SPESP1: variants seen among roughly 807,000 people sequenced by gnomAD.
SPESP1 encodes the protein equatorial segment protein.
A neutral mutation model predicts 3.1 loss-of-function variants in SPESP1; 1 was observed. The ratio of observed to expected loss-of-function variants is 0.33; its 90% CI spans 0.12 to 1.54. The LOEUF (loss-of-function observed/expected upper bound fraction) is 1.54. Among genes scored for constraint, SPESP1 ranks in the 40% most tolerant of loss-of-function variants. The pLI is 0.38. For synonymous variants in SPESP1, 138 were observed against 150.7 expected (o/e 0.92, Z 0.62); for missense variants, 398 against 410.1 (o/e 0.97, Z 0.26).
chr15:68,937,616 A>AC (rs1895716345), intron 1 of SPESP1, among the ~76,000 whole-genome samples: 1 of 151,408 alleles, frequency 6.6e-6, no homozygotes, highest in South Asian at 2.1e-4. Context: ...CCCTCCCCTC[A>AC]CCCCCCACCC....
rs1056914904 is a variant in SPESP1, at chr15:68,945,842, C to T, written c.308C>T (p.Thr103Ile). The change falls in exon 2 of 2, where the codon ACA becomes ATA. Residue 103 changes from threonine (T) to isoleucine (I), a missense_variant. Coordinates refer to ENST00000310673, the MANE Select transcript of SPESP1 (RefSeq NM_145658.4). ...AGTGAAGAAACTACAACTTTCCCTA[C>T]AGGAGGCTTCACACCGGAAATAGGA... ...PISEETTTFP[T>I]GGFTPEIGKK... 31 of 1,614,170 alleles carry T rather than the reference C, an allele frequency of 1.9e-5. No homozygotes were observed. The highest frequency in any genetic ancestry group is 2.5e-5 in the Non-Finnish European group (30 of 1,180,030).
In SPESP1 at chr15:68,946,119, A is replaced by T; in HGVS notation, c.585A>T (p.Glu195Asp). Residue 195 changes from glutamate to aspartate, a missense_variant, in exon 2 of 2, where the codon GAA becomes GAT. Physicochemically the swap from Glu to Asp is conservative, Grantham distance 45. Transcript: ENST00000310673. ...DKSTGIGISTESEDVPQLSGE... is the reference protein window; with the variant it reads ...DKSTGIGISTDSEDVPQLSGE... ...GCACTGGCATTGGGATCTCTACAGA[A>T]TCAGAAGATGTTCCTCAGCTCTCAG... The T allele has an allele frequency of 6.2e-7, 1 of 1,614,220 alleles. No individual in the cohort carries two copies. Among genetic ancestry groups the T allele is most frequent in the Non-Finnish European group, 8.5e-7 (1 of 1,180,034 alleles).
chr15:68,945,497 T>G, intron 1 of SPESP1, 102 bp from the exon 2 acceptor site: 2 of 943,590 alleles, frequency 2.1e-6, no homozygotes, highest in Non-Finnish European at 2.9e-6. Flanking sequence ...TTTCAATTTT[T>G]AAGTGATAGC....
In SPESP1 at chr15:68,930,642, C is replaced by G; in HGVS notation, c.-12C>G. ...GTTCCGGTCGCATGGCAGAGTGCTA[C>G]GGACGACGCCTATGAAGCCCTTAGT... On this transcript the variant is annotated 5_prime_UTR_variant, in exon 1 of 2. The change creates a premature stop within an existing upstream ORF in the 5' untranslated region. Transcript: ENST00000310673. The G allele has an allele frequency of 6.2e-7, 1 of 1,613,808 alleles. No homozygotes were observed. Among genetic ancestry groups the G allele is most frequent in the Non-Finnish European group, 8.5e-7 (1 of 1,179,744 alleles).
chr15:68,944,304 G>C (rs1895902598), intron 1 of SPESP1, among the ~76,000 whole-genome samples: 1 of 145,334 alleles, frequency 6.9e-6, no homozygotes, highest in African/African-American at 2.6e-5. Flanking sequence ...AGTATAAATA[G>C]AACTACCTTT....
Position 68,945,890 on chromosome 15 carries a change from C to T in SPESP1, c.356C>T (p.Thr119Ile), listed in dbSNP as rs1315644638. The T allele has an allele frequency of 1.9e-6, 3 of 1,613,996 alleles. No homozygotes were observed. Among genetic ancestry groups the T allele is most frequent in the African/African-American group, 2.7e-5 (2 of 74,918 alleles). Residue 119 changes from threonine (T) to isoleucine (I), a missense_variant, in exon 2 of 2, where the codon ACC becomes ATC. Thr to Ile is a moderately conservative substitution (Grantham distance 89). Coordinates refer to ENST00000310673, the MANE Select transcript of SPESP1 (RefSeq NM_145658.4). ...EIGKKKHTESTPFWSIKPNNV... is the reference protein window; with the variant it reads ...EIGKKKHTESIPFWSIKPNNV... ...GGAAAGAAAAAACACACGGAAAGTA[C>T]CCCATTCTGGTCGATCAAACCAAAC...
Position 68,946,573 on chromosome 15 carries a change from T to C in SPESP1, c.1039T>C (p.Leu347=), listed in dbSNP as rs1388516330. ...TAGATCAAGGAGAGTCACAGCCTTATTAAAAGTTTATTAAACAATAATATA... is the reference window on the plus strand; with the variant it reads ...TAGATCAAGGAGAGTCACAGCCTTACTAAAAGTTTATTAAACAATAATATA... ...MCRSRRVTAL[L]KVY The change falls in exon 2 of 2, where the codon TTA becomes CTA. Residue 347 remains leucine (L), a synonymous_variant. Coordinates refer to ENST00000310673, the MANE Select transcript of SPESP1 (RefSeq NM_145658.4). 4 of 1,468,392 alleles carry C rather than the reference T, an allele frequency of 2.7e-6. No homozygotes were observed. The highest frequency in any genetic ancestry group is 2.7e-6 in the Non-Finnish European group (3 of 1,115,986). The allele number at this position is 1,468,392 out of a possible 1,614,324, so 91.0% of individuals were successfully genotyped here. A position where few individuals can be genotyped will look rare whatever the true frequency, so the allele number is the denominator to read the frequency against.
At position 68,945,913 on chromosome 15, in the gene SPESP1, A is replaced by T; in HGVS notation, c.379A>T (p.Asn127Tyr). Residue 127 changes from asparagine (N) to tyrosine (Y), a missense_variant, in exon 2 of 2, where the codon AAC becomes TAC. By Grantham distance (143) the Asn-to-Tyr change is moderately radical (BLOSUM62 -2). Transcript: ENST00000310673. ...TACCCCATTCTGGTCGATCAAACCA[A>T]ACAATGTTTCCATTGTTTTGCATGC... is the stretch of plus-strand genomic sequence containing the variant. Reference protein sequence around the residue: ...ESTPFWSIKPNNVSIVLHAEE... With the variant: ...ESTPFWSIKPYNVSIVLHAEE... 6.2e-7 allele frequency: 1 copy of T among 1,614,104 alleles called. No individual in the cohort carries two copies. Among genetic ancestry groups the T allele is most frequent in the Non-Finnish European group, 8.5e-7 (1 of 1,180,020 alleles).
intron 1 of SPESP1, among the ~76,000 whole-genome samples, 168 bp downstream of exon 1, chr15:68,930,885 G>A (rs1323618668): frequency 6.6e-6 from 1 of 152,106 alleles, no homozygotes; most frequent in Non-Finnish European, 1.5e-5. Context: ...CTCCTCTCCT[G>A]GTCAGGGAAC....
At position 68,946,488 on chromosome 15, in the gene SPESP1, T is replaced by C. The variant is rs777453812; in HGVS notation, c.954T>C (p.Cys318=). The change falls in exon 2 of 2, where the codon TGT becomes TGC. Residue 318 remains cysteine (C), a synonymous_variant. Coordinates refer to ENST00000310673, the MANE Select transcript of SPESP1 (RefSeq NM_145658.4). ...TCTATGAATATTTAGATATTAAATG[T>C]GTTCCACCAGAGATGAGAGAAAAAG... ...SKLYEYLDIK[C]VPPEMREKAA... 3 of 1,613,272 alleles carry C rather than the reference T, an allele frequency of 1.9e-6. No homozygotes were observed. Among genetic ancestry groups the C allele is most frequent in the Non-Finnish European group, 2.5e-6 (3 of 1,179,890 alleles).
At position 68,945,901 on chromosome 15, in the gene SPESP1, T is replaced by G; in HGVS notation, c.367T>G (p.Ser123Ala). Residue 123 changes from serine to alanine, a missense_variant, in exon 2 of 2, where the codon TCG becomes GCG. Coordinates refer to ENST00000310673, the MANE Select transcript of SPESP1 (RefSeq NM_145658.4). ...KKHTESTPFW[S>A]IKPNNVSIVL... ...ACACACGGAAAGTACCCCATTCTGG[T>G]CGATCAAACCAAACAATGTTTCCAT... 6.2e-7 allele frequency: 1 copy of G among 1,614,044 alleles called. No individual in the cohort carries two copies. The highest frequency in any genetic ancestry group is 2.2e-5 in the East Asian group (1 of 44,870).
At chr15:68,937,472 G>A (rs1294948064) in intron 1 of SPESP1, among the ~76,000 whole-genome samples, 2 of 152,122 alleles carry the variant, frequency 1.3e-5, no homozygotes, top group Non-Finnish European at 2.9e-5. Flanking sequence ...GGGGAGTAAG[G>A]ATGGAACTTA....
rs1171837965 is a variant in SPESP1 at position 68,946,066 on chromosome 15, A to C, written c.532A>C (p.Lys178Gln). The C allele has an allele frequency of 1.2e-6, 2 of 1,614,066 alleles. No homozygotes were observed. Among genetic ancestry groups the C allele is most frequent in the Non-Finnish European group, 1.7e-6 (2 of 1,180,032 alleles). ...SSTSPYVTSYKSPVTTLDKST... is the reference protein window; with the variant it reads ...SSTSPYVTSYQSPVTTLDKST... Reference sequence around the variant, plus strand: ...TACAAGTCCATATGTTACCTCATACAAGTCACCTGTCACCACTTTAGATAA... The same window carrying C: ...TACAAGTCCATATGTTACCTCATACCAGTCACCTGTCACCACTTTAGATAA... The change falls in exon 2 of 2, where the codon AAG becomes CAG. Residue 178 changes from lysine to glutamine, a missense_variant. By Grantham distance (53) the Lys-to-Gln change is moderately conservative. Coordinates refer to ENST00000310673, the MANE Select transcript of SPESP1 (RefSeq NM_145658.4).
Position 68,930,602 on chromosome 15 carries a change from T to G in SPESP1, c.-52T>G. The G allele has an allele frequency of 6.2e-7, 1 of 1,609,746 alleles. No individual in the cohort carries two copies. Among genetic ancestry groups the G allele is most frequent in the Non-Finnish European group, 8.5e-7 (1 of 1,177,110 alleles). ...CCTTTCGGCCTTGAGGTTCCCAGCCTGGTGGCCCCAGGACGTTCCGGTCGC... is the reference window on the plus strand; with the variant it reads ...CCTTTCGGCCTTGAGGTTCCCAGCCGGGTGGCCCCAGGACGTTCCGGTCGC... On this transcript the variant is annotated 5_prime_UTR_variant, in exon 1 of 2. Transcript: ENST00000310673.
Position 68,942,169 on chromosome 15 carries a change from C to A in SPESP1, c.65-3430C>A, listed in dbSNP as rs868599222. Among the ~76,000 whole-genome samples, 26 of 142,894 alleles carry A rather than the reference C, an allele frequency of 1.8e-4. No homozygotes were observed. In the South Asian group the frequency reaches 4.6e-3, roughly 26 times the overall value. 93.7% of individuals were successfully genotyped at this position (142,894 alleles called of 152,430 possible). A position where few individuals can be genotyped will look rare whatever the true frequency, so the allele number is the denominator to read the frequency against. On this transcript the variant is annotated intron_variant, in intron 1 of 1. Coordinates refer to ENST00000310673, the MANE Select transcript of SPESP1 (RefSeq NM_145658.4). ...CTGTTATGTAAACAACATCTTATTTCTTTTTTTTTTTTGAGACGGAGTCTC... is the reference window on the plus strand; with the variant it reads ...CTGTTATGTAAACAACATCTTATTTATTTTTTTTTTTTGAGACGGAGTCTC...
intron 1 of SPESP1, chr15:68,939,993 G>A (rs1437949618): frequency 3.3e-5 from 5 of 152,006 alleles, no homozygotes; most frequent in Admixed American, 2.6e-4. Context: ...ACTTATTATA[G>A]TTGCTCAGAA....
At chr15:68,943,022 G>T (rs2140427078) in intron 1 of SPESP1, among the ~76,000 whole-genome samples, 1 of 151,886 alleles carries the variant, frequency 6.6e-6, no homozygotes, top group South Asian at 2.1e-4. Context: ...AAAAATTCTT[G>T]AAACTTAAAA....
intron 1 of SPESP1, among the ~76,000 whole-genome samples, chr15:68,932,807 A>G (rs1039113626): frequency 6.6e-6 from 1 of 152,212 alleles, no homozygotes; most frequent in African/African-American, 2.4e-5. Flanking sequence ...TGTTGAATAT[A>G]TAGATGTTAT....
At chr15:68,930,767 C>T in intron 1 of SPESP1, 50 bp downstream of exon 1, 1 of 1,612,448 alleles carries the variant, frequency 6.2e-7, no homozygotes, top group Non-Finnish European at 8.5e-7. Flanking sequence ...CCTGGGGGAA[C>T]TTCCCGAGCT....
Sources: gnomAD v4.1 joint callset for allele counts (sites outside exome capture counted in the v4.1 genomes callset) on GRCh38, gnomAD v4.1.1 for gene constraint, MANE v1.5 for transcripts, NCBI Gene and HGNC (gene_info 2026-07-23, HGNC 2026-07-21) for gene names.